TTC7B: variants seen among roughly 807,000 people sequenced by gnomAD.
The protein encoded by TTC7B is tetratricopeptide repeat protein 7B.
TTC7B carries 28 observed loss-of-function variants against 106.8 expected under a neutral mutation model. The observed-to-expected ratio is 0.26, with a 90% CI of 0.19 to 0.36. The LOEUF is 0.36. TTC7B is among the 10% of genes least tolerant of loss of function. The pLI is 1.00. For missense variants in TTC7B, 862 were observed against 1,076.4 expected (o/e 0.80, Z 2.79); for synonymous variants, 405 against 430.6 (o/e 0.94, Z 0.74).
intron 1 of TTC7B, among the ~76,000 whole-genome samples, chr14:90,797,718 G>T (rs1378730968): frequency 6.6e-6 from 1 of 152,116 alleles, no homozygotes; most frequent in African/African-American, 2.4e-5. Context: ...GTTTTAAGTG[G>T]TTATCCCACA....
intron 16 of TTC7B, among the ~76,000 whole-genome samples, chr14:90,615,331 G>C (rs114199681): frequency 1.3e-5 from 2 of 152,204 alleles, no homozygotes; most frequent in Non-Finnish European, 2.9e-5. Context: ...AGCCTGGGGT[G>C]GATCTGGAAG....
chr14:90,549,789 G>A (rs1351337778), intron 19 of TTC7B, among the ~76,000 whole-genome samples: 2 of 152,102 alleles, frequency 1.3e-5, no homozygotes, highest in African/African-American at 2.4e-5. Context: ...CTAACCAAAC[G>A]GGGGAGTTAG....
chr14:90,681,972 G>T (rs762339667), intron 7 of TTC7B, among the ~76,000 whole-genome samples: 4 of 152,118 alleles, frequency 2.6e-5, no homozygotes, highest in Non-Finnish European at 5.9e-5. Context: ...ATGCAATTGG[G>T]ACCTTGCAAA....
At chr14:90,586,516 C>T (rs779745212) in intron 18 of TTC7B, among the ~76,000 whole-genome samples, 3 of 152,092 alleles carry the variant, frequency 2.0e-5, no homozygotes, top group Admixed American at 6.5e-5. Flanking sequence ...GTGATTGACC[C>T]GCCTCAGCCT....
chr14:90,618,999 G>A (rs1162822019), intron 15 of TTC7B, among the ~76,000 whole-genome samples: 2 of 152,178 alleles, frequency 1.3e-5, no homozygotes, highest in East Asian at 1.9e-4. Context: ...TACCTCCTAG[G>A]TTCAAGTGAT....
intron 1 of TTC7B, among the ~76,000 whole-genome samples, chr14:90,812,933 T>C (rs2030979273): frequency 6.6e-6 from 1 of 152,198 alleles, no homozygotes; most frequent in African/African-American, 2.4e-5. Context: ...CCACGCTTCC[T>C]TCCCGTAAGG....
chr14:90,665,252 T>A (rs1323257563), intron 9 of TTC7B, among the ~76,000 whole-genome samples: 2 of 152,220 alleles, frequency 1.3e-5, no homozygotes, highest in Non-Finnish European at 2.9e-5. Context: ...GCCACCTCTC[T>A]AATCCCAGAT....
At chr14:90,630,831 G>GTTTTTTTT (rs201616174) in intron 15 of TTC7B, among the ~76,000 whole-genome samples, 5 of 141,864 alleles carry the variant, frequency 3.5e-5, no homozygotes, top group African/African-American at 1.0e-4. Context: ...CTTCTATCTT[G>GTTTTTTTT]TTTTTTGTTT....
At chr14:90,634,637 T>G (rs891201144) in intron 15 of TTC7B, among the ~76,000 whole-genome samples, 19 of 151,896 alleles carry the variant, frequency 1.3e-4, no homozygotes, top group Non-Finnish European at 8.8e-5. Flanking sequence ...CCAGGTGTGG[T>G]GACATGTGCC....
intron 5 of TTC7B, among the ~76,000 whole-genome samples, chr14:90,707,535 G>A (rs760593295): frequency 8.5e-5 from 13 of 152,182 alleles, no homozygotes; most frequent in Non-Finnish European, 1.6e-4. Flanking sequence ...CAAACACTTA[G>A]TCAAGTTGAA....
chr14:90,548,641 T>A (rs1055065058), intron 19 of TTC7B, among the ~76,000 whole-genome samples: 4 of 152,222 alleles, frequency 2.6e-5, no homozygotes, highest in Admixed American at 2.6e-4. Flanking sequence ...ACCCCGGTCA[T>A]CTCTGCACCT....
intron 18 of TTC7B, among the ~76,000 whole-genome samples, chr14:90,580,580 T>C (rs1336260367): frequency 6.6e-6 from 1 of 152,130 alleles, no homozygotes; most frequent in Non-Finnish European, 1.5e-5. Context: ...TCCTACCGCC[T>C]CCCGGAACCC....
chr14:90,784,149 G>T (rs1891303624), intron 2 of TTC7B, among the ~76,000 whole-genome samples: 1 of 145,072 alleles, frequency 6.9e-6, no homozygotes, highest in Admixed American at 6.6e-5. Context: ...GTGAGCTGTG[G>T]CCCATGTGCC....
At chr14:90,789,723 C>G (rs1339468745) in intron 1 of TTC7B, among the ~76,000 whole-genome samples, 1 of 151,620 alleles carries the variant, frequency 6.6e-6, no homozygotes, top group African/African-American at 2.4e-5. Context: ...GGTGAAACCC[C>G]GTCTCTACTA....
chr14:90,719,710 G>T (rs8006113), intron 5 of TTC7B, among the ~76,000 whole-genome samples: 16,146 of 152,198 alleles, frequency 0.11, 1,195 homozygotes, highest in African/African-American at 0.22. Context: ...CTGGCAATTT[G>T]TGGTTCTGTC....
intron 17 of TTC7B, among the ~76,000 whole-genome samples, chr14:90,602,788 G>A (rs1304145677): frequency 6.6e-6 from 1 of 151,696 alleles, no homozygotes; most frequent in Non-Finnish European, 1.5e-5. Context: ...GTTTTATGAT[G>A]TCTGCTTATT....
chr14:90,816,142 C>T lies in TTC7B; in HGVS notation c.121+33G>A, dbSNP rs201774781. On this transcript the variant is annotated intron_variant, in intron 1 of 19. Coordinates refer to ENST00000328459, the MANE Select transcript of TTC7B (RefSeq NM_001010854.2). ...CGTTCCCGCGGAGGCCGCGGCGCCC[C>T]CCGCAGCCCAGGCCGGCGCGCCCGG... is the stretch of plus-strand genomic sequence containing the variant. 1,381 of 1,107,456 alleles carry T rather than the reference C, an allele frequency of 1.2e-3. 17 individuals carry two copies. In the South Asian group the frequency reaches 0.016, roughly 12 times the overall value. The allele number at this position is 1,107,456 out of a possible 1,614,324, so 68.6% of individuals were successfully genotyped here.
chr14:90,573,354 C>T (rs1430040354), intron 19 of TTC7B, among the ~76,000 whole-genome samples: 7 of 151,738 alleles, frequency 4.6e-5, no homozygotes, highest in African/African-American at 1.7e-4. Context: ...CATGGTCCCT[C>T]TCCGGCTCAC....
chr14:90,680,239 A>G (rs1319532633), intron 8 of TTC7B, among the ~76,000 whole-genome samples: 2 of 152,234 alleles, frequency 1.3e-5, no homozygotes, highest in Non-Finnish European at 2.9e-5. Flanking sequence ...GTGCTTCAAG[A>G]TAGAAGATAG....
Sources: allele counts gnomAD v4.1 joint callset (sites outside exome capture counted in the v4.1 genomes callset), GRCh38; gene constraint gnomAD v4.1.1; transcripts MANE v1.5; gene names NCBI Gene and HGNC (gene_info 2026-07-23, HGNC 2026-07-21).